The following HIBCH variants were observed in gnomAD, a reference collection of about 807,000 sequenced individuals.
HIBCH encodes 3-hydroxyisobutyryl-CoA hydrolase.
In HIBCH, 50 loss-of-function variants were observed where a neutral mutation model predicts 58.2. The ratio of observed to expected loss-of-function variants is 0.86; its 90% CI spans 0.68 to 1.09. The LOEUF (loss-of-function observed/expected upper bound fraction) is 1.09. Ranked by LOEUF, HIBCH falls within the 50% of genes least tolerant of loss-of-function variation. The pLI, the probability that HIBCH is intolerant of heterozygous loss-of-function variation, is 0.00. For synonymous variants in HIBCH, 151 were observed against 146.9 expected (o/e 1.03, Z -0.20); for missense variants, 450 against 449.7 (o/e 1.00, Z -0.01).
chr2:190,305,462 T>C (rs1237946683), intron 2 of HIBCH, among the ~76,000 whole-genome samples: 1 of 152,154 alleles, frequency 6.6e-6, no homozygotes, highest in Non-Finnish European at 1.5e-5. Flanking sequence ...CATTATCCTG[T>C]GTACATGACT....
chr2:190,223,110 G>A (rs1042887306), intron 11 of HIBCH, among the ~76,000 whole-genome samples: 2 of 152,168 alleles, frequency 1.3e-5, no homozygotes, highest in Non-Finnish European at 2.9e-5. Context: ...ATCACACACT[G>A]AGACCTGTTG....
rs117176480 is a variant in HIBCH, at chr2:190,281,891, T to C, written c.438+5695A>G. On this transcript the variant is annotated intron_variant, in intron 6 of 13. Transcript: ENST00000359678. This position sits in a 1 kb window ranked among gnomAD's most constrained non-coding sequence, Gnocchi z 5.4. Reference sequence around the variant, plus strand: ...ACATGGACACATCCAGCCAGGTTCTTTGTCACTTTATTACAAGGATGCTCT... The same window carrying C: ...ACATGGACACATCCAGCCAGGTTCTCTGTCACTTTATTACAAGGATGCTCT... Among the ~76,000 whole-genome samples the C allele has an allele frequency of 2.2e-4, 33 of 152,332 alleles. No homozygotes were observed. In the East Asian group the frequency reaches 6.4e-3, roughly 29 times the overall value.
At chr2:190,262,215 C>G (rs1163561512) in intron 6 of HIBCH, among the ~76,000 whole-genome samples, 1 of 150,234 alleles carries the variant, frequency 6.7e-6, no homozygotes, top group Admixed American at 6.6e-5. Context: ...GAGAATGCTG[C>G]AGTCTGTACA....
chr2:190,291,304 G>A (rs1575753027), intron 4 of HIBCH, among the ~76,000 whole-genome samples: 1 of 152,286 alleles, frequency 6.6e-6, no homozygotes, highest in East Asian at 1.9e-4. Context: ...AGTTTAGACT[G>A]ATACTAAAAC....
chr2:190,202,328 T>C (rs1469620182), downstream of HIBCH: 4 of 167,052 alleles, frequency 2.4e-5, no homozygotes, highest in African/African-American at 9.7e-5. Flanking sequence ...AAATATATGC[T>C]GTATTGTATG....
chr2:190,245,553 A>T (rs1382143378), intron 10 of HIBCH, among the ~76,000 whole-genome samples: 1 of 152,126 alleles, frequency 6.6e-6, no homozygotes, highest in African/African-American at 2.4e-5. Flanking sequence ...AATAAAAGTT[A>T]ATTATTATTT....
chr2:190,262,029 T>C (rs916023274), intron 6 of HIBCH, among the ~76,000 whole-genome samples: 7 of 151,890 alleles, frequency 4.6e-5, no homozygotes, highest in African/African-American at 1.5e-4. Context: ...CTTCTTACTC[T>C]TAGGTACTTA....
chr2:190,310,400 T>C (rs1177637765), intron 2 of HIBCH, among the ~76,000 whole-genome samples: 10 of 152,224 alleles, frequency 6.6e-5, no homozygotes, highest in Non-Finnish European at 1.5e-4. Flanking sequence ...AGAACACTGA[T>C]TAATACAATT....
chr2:190,281,695 T>C lies in HIBCH; in HGVS notation c.438+5891A>G, dbSNP rs1345805522. Among the ~76,000 whole-genome samples the C allele has an allele frequency of 6.6e-6, 1 of 152,222 alleles. No individual in the cohort carries two copies. Among genetic ancestry groups the C allele is most frequent in the Admixed American group, 6.5e-5 (1 of 15,288 alleles). The stretch of plus-strand genomic sequence containing the variant: ...AGTTTTCCAAATCTTTCTGCTTTCT[T>C]TCCCTTTTGATTATAAATTTCATCT... On this transcript the variant is annotated intron_variant, in intron 6 of 13. Coordinates refer to ENST00000359678, the MANE Select transcript of HIBCH (RefSeq NM_014362.4). This position sits in a 1 kb window ranked among gnomAD's most constrained non-coding sequence, Gnocchi z 5.4.
At chr2:190,269,760 G>A (rs1559044613) in intron 6 of HIBCH, among the ~76,000 whole-genome samples, 1 of 152,128 alleles carries the variant, frequency 6.6e-6, no homozygotes, top group Non-Finnish European at 1.5e-5. Context: ...CTACTATAAA[G>A]ACACATGCAC....
intron 10 of HIBCH, 145 bp downstream of exon 10, chr2:190,246,009 G>T: frequency 2.3e-6 from 1 of 439,470 alleles, no homozygotes; most frequent in Non-Finnish European, 4.0e-6. Flanking sequence ...AAAAAAAAAA[G>T]GAAGGAAAGC....
At chr2:190,262,161 G>GTCAAAAAAAAAAAAAAAA in intron 6 of HIBCH, among the ~76,000 whole-genome samples, 1 of 99,976 alleles carries the variant, frequency 1.0e-5, no homozygotes, top group Non-Finnish European at 1.9e-5. Context: ...ATGCGGTAGA[G>GTCAAAAAAAAAAAAAAAA]ACAAAAAAAA....
chr2:190,227,522 T>C (rs967102277), intron 11 of HIBCH, among the ~76,000 whole-genome samples: 60 of 152,330 alleles, frequency 3.9e-4, no homozygotes, highest in Middle Eastern at 3.4e-3. Flanking sequence ...AAGGACTTCA[T>C]GACTAAATCA....
At chr2:190,247,434 C>A (rs1280349570) in intron 9 of HIBCH, among the ~76,000 whole-genome samples, 1 of 152,148 alleles carries the variant, frequency 6.6e-6, no homozygotes, top group Non-Finnish European at 1.5e-5. Flanking sequence ...CTCATGTGCT[C>A]TGTATTCATA....
intron 1 of HIBCH, among the ~76,000 whole-genome samples, chr2:190,193,941 T>C (rs761587644): frequency 2.0e-5 from 3 of 152,220 alleles, no homozygotes; most frequent in Non-Finnish European, 2.9e-5. Context: ...AATTTCCTTC[T>C]AAGCTCTAAA....
In HIBCH at chr2:190,244,936, A is replaced by G. The variant is rs1226584071; in HGVS notation, c.842T>C (p.Ile281Thr). The G allele has an allele frequency of 1.2e-6, 2 of 1,611,088 alleles. No individual in the cohort carries two copies. Among genetic ancestry groups the G allele is most frequent in the East Asian group, 2.2e-5 (1 of 44,856 alleles). The change falls in exon 11 of 14, where the codon ATT (isoleucine) becomes ACT (threonine). Residue 281 changes from isoleucine to threonine, a missense_variant. Ile to Thr is a moderately conservative substitution (Grantham distance 89). Transcript: ENST00000359678. The stretch of plus-strand genomic sequence containing the variant: ...TGAACCATCTTGCTGTAAGTTTTCA[A>G]TAATTTCTTCCACAGTATTGGCTGA... ...CFSANTVEEIIENLQQDGSSF... is the reference protein window; with the variant it reads ...CFSANTVEEITENLQQDGSSF...
At chr2:190,270,252 A>T (rs1241662155) in intron 6 of HIBCH, among the ~76,000 whole-genome samples, 15 of 142,860 alleles carry the variant, frequency 1.0e-4, no homozygotes, top group African/African-American at 3.7e-4. Flanking sequence ...AGTAAAAATA[A>T]ATTTAGTTAT....
intron 6 of HIBCH, among the ~76,000 whole-genome samples, chr2:190,285,576 G>A (rs184839036): frequency 1.3e-5 from 2 of 152,218 alleles, no homozygotes; most frequent in East Asian, 3.9e-4. Flanking sequence ...AGAACAAAGG[G>A]GGAACTTCCT....
At chr2:190,195,257 A>G (rs1689913901) in intron 1 of HIBCH, among the ~76,000 whole-genome samples, 1 of 152,224 alleles carries the variant, frequency 6.6e-6, no homozygotes, top group African/African-American at 2.4e-5. Flanking sequence ...CTAAGTTTTC[A>G]AAGTTATGAA....
Sources: gnomAD v4.1 joint callset for allele counts (sites outside exome capture counted in the v4.1 genomes callset) on GRCh38, gnomAD v4.1.1 for gene constraint, Gnocchi (gnomAD v3.1) non-coding constraint, MANE v1.5 for transcripts, NCBI Gene and HGNC (gene_info 2026-07-23, HGNC 2026-07-21) for gene names.